Variants in CDH2 observed in about 807,000 individuals in gnomAD.
The protein encoded by CDH2 is cadherin-2.
Under a neutral mutation model 92.0 loss-of-function variants are expected in CDH2, and 17 were observed. The observed-to-expected ratio is 0.18, with a 90% CI of 0.13 to 0.28. CDH2 has a LOEUF of 0.28. Ranked by LOEUF, CDH2 falls within the 10% of genes least tolerant of loss-of-function variation. The pLI, the probability that CDH2 is intolerant of heterozygous loss-of-function variation, is 1.00. For missense variants in CDH2, 862 were observed against 1,133.1 expected (o/e 0.76, Z 3.44); for synonymous variants, 419 against 415.9 (o/e 1.01, Z -0.09).
chr18:27,955,328 G>A (rs1909651741), intron 15 of CDH2, among the ~76,000 whole-genome samples: 1 of 134,780 alleles, frequency 7.4e-6, no homozygotes, highest in South Asian at 2.3e-4. Context: ...TAATAAACCT[G>A]CACATTCCGC....
intron 2 of CDH2, chr18:28,036,482 C>T (rs2013831740): frequency 3.8e-6 from 6 of 1,572,760 alleles, no homozygotes; most frequent in Admixed American, 3.4e-5. Flanking sequence ...GAAAGGAAAA[C>T]ATACAATTCT....
chr18:28,088,212 A>G (rs960690489), intron 2 of CDH2, among the ~76,000 whole-genome samples: 9 of 152,210 alleles, frequency 5.9e-5, no homozygotes, highest in African/African-American at 1.9e-4. Context: ...AGATTAAAGT[A>G]TAATTTCTTT....
chr18:28,026,314 C>T (rs1018154603), intron 2 of CDH2, among the ~76,000 whole-genome samples: 4 of 152,296 alleles, frequency 2.6e-5, no homozygotes, highest in Middle Eastern at 3.4e-3. Flanking sequence ...TGTCCTTTTA[C>T]TCTCCATTAC....
intron 2 of CDH2, among the ~76,000 whole-genome samples, chr18:28,055,851 T>C (rs1178143120): frequency 6.6e-6 from 1 of 152,174 alleles, no homozygotes; most frequent in Non-Finnish European, 1.5e-5. Flanking sequence ...GCCCCATATG[T>C]TGTTAGAAAC....
At chr18:28,130,842 C>T (rs2144292839) in intron 2 of CDH2, among the ~76,000 whole-genome samples, 1 of 152,268 alleles carries the variant, frequency 6.6e-6, no homozygotes. Context: ...GACTAAATTT[C>T]CATAGGAGGG....
chr18:27,945,711 T>C (rs896791310), intron 6 of CDH2, among the ~76,000 whole-genome samples: 7 of 152,044 alleles, frequency 4.6e-5, no homozygotes, highest in African/African-American at 1.2e-4. Context: ...GAACAACCAG[T>C]GAGAGCCTAG....
At chr18:28,115,457 A>G (rs148536950) in intron 2 of CDH2, among the ~76,000 whole-genome samples, 2 of 152,212 alleles carry the variant, frequency 1.3e-5, no homozygotes, top group East Asian at 1.9e-4. Context: ...AAACCAGTCA[A>G]CCCTAAGGAT....
At chr18:28,166,170 A>ATATATATATATATATG (rs1020592723) in intron 1 of CDH2, among the ~76,000 whole-genome samples, 7 of 136,046 alleles carry the variant, frequency 5.1e-5, no homozygotes, top group African/African-American at 2.0e-4. Flanking sequence ...ATATATATAT[A>ATATATATATATATATG]TATGTCTGTA....
chr18:28,113,217 T>C (rs1173047495), intron 2 of CDH2, among the ~76,000 whole-genome samples: 3 of 152,150 alleles, frequency 2.0e-5, no homozygotes, highest in Non-Finnish European at 4.4e-5. Flanking sequence ...AACAGGTGAA[T>C]GGATTTTAAT....
chr18:28,054,002 C>A (rs1470041072), intron 2 of CDH2, among the ~76,000 whole-genome samples: 1 of 152,118 alleles, frequency 6.6e-6, no homozygotes, highest in Non-Finnish European at 1.5e-5. Flanking sequence ...CCATGGGAGG[C>A]TGCATAACCT....
intron 2 of CDH2, among the ~76,000 whole-genome samples, chr18:28,033,532 G>T (rs1240998034): frequency 6.6e-6 from 1 of 151,892 alleles, no homozygotes; most frequent in Non-Finnish European, 1.5e-5. Flanking sequence ...GTATCTGACA[G>T]CAGGATTAAG....
At chr18:27,965,907 G>T (rs571390627) in intron 14 of CDH2, among the ~76,000 whole-genome samples, 15 of 141,918 alleles carry the variant, frequency 1.1e-4, no homozygotes, top group African/African-American at 3.9e-4. Flanking sequence ...AGAATCGCTT[G>T]AACTCGGGAG....
chr18:28,049,490 T>C (rs1264798698), intron 2 of CDH2, among the ~76,000 whole-genome samples: 2 of 152,162 alleles, frequency 1.3e-5, no homozygotes, highest in Admixed American at 6.5e-5. Flanking sequence ...ATAAAGCAGA[T>C]TGATAACACG....
intron 6 of CDH2, among the ~76,000 whole-genome samples, chr18:27,935,439 CT>C (rs774432424): frequency 1.8e-4 from 27 of 152,284 alleles, no homozygotes; most frequent in Non-Finnish European, 3.7e-4. Context: ...TGCTAAACCA[CT>C]GGAAACCACC....
chr18:28,145,212 T>C (rs761100958), intron 2 of CDH2, among the ~76,000 whole-genome samples: 2 of 152,120 alleles, frequency 1.3e-5, no homozygotes, highest in Non-Finnish European at 2.9e-5. Context: ...TGTCCCCAGA[T>C]GCCATCAACG....
intron 1 of CDH2, among the ~76,000 whole-genome samples, chr18:28,167,574 C>CT (rs1190450680): frequency 2.0e-5 from 3 of 152,020 alleles, no homozygotes; most frequent in Non-Finnish European, 4.4e-5. Context: ...GCAAAAAAAT[C>CT]ATGCTGTTGG....
intron 2 of CDH2, among the ~76,000 whole-genome samples, chr18:28,050,394 T>G (rs941683354): frequency 1.3e-5 from 2 of 152,186 alleles, no homozygotes; most frequent in South Asian, 4.1e-4. Flanking sequence ...CATAAGTAGC[T>G]GCTGCCATTT....
chr18:28,112,600 T>A (rs1033763550), intron 2 of CDH2, among the ~76,000 whole-genome samples: 2 of 152,228 alleles, frequency 1.3e-5, no homozygotes, highest in Non-Finnish European at 2.9e-5. Context: ...GTTCTCATGA[T>A]CATCTTTTTA....
intron 1 of CDH2, among the ~76,000 whole-genome samples, chr18:28,170,504 C>A (rs1175605617): frequency 6.6e-6 from 1 of 152,090 alleles, no homozygotes; most frequent in Non-Finnish European, 1.5e-5. Context: ...TACCATCATG[C>A]CCAGCTAATT....
Sources: gnomAD v4.1 joint callset for allele counts (sites outside exome capture counted in the v4.1 genomes callset) on GRCh38, gnomAD v4.1.1 for gene constraint, MANE v1.5 for transcripts, NCBI Gene and HGNC (gene_info 2026-07-23, HGNC 2026-07-21) for gene names.